Variants in RFC4 observed in about 807,000 individuals in gnomAD.
RFC4 encodes the protein replication factor C subunit 4.
Under a neutral mutation model 47.6 loss-of-function variants are expected in RFC4, and 38 were observed. The ratio of observed to expected loss-of-function variants is 0.80; its 90% CI spans 0.62 to 1.05. The LOEUF is 1.05. Ranked by LOEUF, RFC4 falls within the 50% of genes least tolerant of loss-of-function variation. The probability of loss-of-function intolerance (pLI) is 0.00; values close to 1 mark genes in which losing one functional copy is unlikely to be tolerated. For missense variants in RFC4, 489 were observed against 434.0 expected (o/e 1.13, Z -1.13); for synonymous variants, 164 against 150.0 (o/e 1.09, Z -0.68).
Position 186,801,116 on chromosome 3 carries a change from CA to C in RFC4, c.210del (p.Leu71PhefsTer33). The C allele has an allele frequency of 6.2e-7, 1 of 1,609,814 alleles. No individual in the cohort carries two copies. The highest frequency in any genetic ancestry group is 8.5e-7 in the Non-Finnish European group (1 of 1,175,996). On this transcript the variant is annotated frameshift_variant and splice_region_variant, in exon 3 of 11. Coordinates refer to ENST00000296273, the MANE Select transcript of RFC4 (RefSeq NM_002916.5). LOFTEE classifies it high-confidence loss of function. ...AVLKKSLEGA[D>X]LPNLLFYGPP... ...GACATTAAACACCATTTGCAACTCACATCTGCTCCTTCTAAAGATTTTTTCA... is the reference window on the plus strand; with the variant it reads ...GACATTAAACACCATTTGCAACTCACTCTGCTCCTTCTAAAGATTTTTTCA...
At chr3:186,801,094 A>G (rs1722341534) in intron 3 of RFC4, 23 bp downstream of exon 3, 1 of 1,561,644 alleles carries the variant, frequency 6.4e-7, no homozygotes, top group Non-Finnish European at 8.8e-7. Context: ...TCCCAATGAC[A>G]TTAAACACCA....
chr3:186,792,774 T>C, intron 6 of RFC4, 30 bp downstream of exon 6: 1 of 1,583,894 alleles, frequency 6.3e-7, no homozygotes, highest in Non-Finnish European at 8.6e-7. Context: ...TAAGGCTGCC[T>C]AGCATCTGTC....
chr3:186,794,671 C>G lies in RFC4; in HGVS notation c.397G>C (p.Gly133Arg). The G allele has an allele frequency of 6.2e-7, 1 of 1,613,940 alleles. No individual in the cohort carries two copies. The highest frequency in any genetic ancestry group is 8.5e-7 in the Non-Finnish European group (1 of 1,179,932). Residue 133 changes from glycine (G) to arginine (R), a missense_variant, in exon 5 of 11, where the codon GGA becomes CGA. Transcript: ENST00000296273. ...AAATTTACTTACTCTGAGCGACTTCCTGACACAGTTAATTGAGCAAAATTT... is the reference window on the plus strand; with the variant it reads ...AAATTTACTTACTCTGAGCGACTTCGTGACACAGTTAATTGAGCAAAATTT... ...VKNFAQLTVSGSRSDGKPCPP... is the reference protein window; with the variant it reads ...VKNFAQLTVSRSRSDGKPCPP...
chr3:186,790,296 C>A (rs762174683), intron 9 of RFC4, 30 bp downstream of exon 9: 21 of 1,611,684 alleles, frequency 1.3e-5, no homozygotes, highest in Non-Finnish European at 1.7e-5. Flanking sequence ...CTTAATATTC[C>A]TTTCCCCAAA....
chr3:186,791,901 T>A, intron 7 of RFC4, 51 bp from the exon 8 acceptor site: 1 of 1,466,690 alleles, frequency 6.8e-7, no homozygotes, highest in East Asian at 2.3e-5. Flanking sequence ...TAAGGATTTA[T>A]AACTTTAATT....
rs266755 is a variant in RFC4, at chr3:186,790,827, T to C, written c.802-421A>G. Among the ~76,000 whole-genome samples the C allele has an allele frequency of 7.7e-4, 118 of 152,272 alleles. 1 individual carries two copies. Among genetic ancestry groups the C allele is most frequent in the African/African-American group, 2.7e-3 (113 of 41,510 alleles). On this transcript the variant is annotated intron_variant, in intron 8 of 10. Transcript: ENST00000296273. ...CCACTAATGAGATTGGTTTAAAAAG[T>C]CCACAATATCCAGAAAATTAAAGAG...
intron 1 of RFC4, among the ~76,000 whole-genome samples, chr3:186,805,274 G>A (rs890464028): frequency 1.3e-4 from 20 of 152,168 alleles, no homozygotes; most frequent in Non-Finnish European, 4.4e-5. Flanking sequence ...AGGATGGAGT[G>A]CAGTGGCGGA....
rs747725781 is a variant in RFC4, at chr3:186,792,498, T to A, written c.667A>T (p.Ser223Cys). 1 of 1,611,800 alleles carries A rather than the reference T, an allele frequency of 6.2e-7. No individual in the cohort carries two copies. Among genetic ancestry groups the A allele is most frequent in the South Asian group, 1.1e-5 (1 of 91,008 alleles). ...DIAKKENVKI[S>C]DEGIAYLVKV... ...TAATAATTAGTAATTACCTCATCACTAATTTTGACATTTTCCTTCTTGGCA... is the reference window on the plus strand; with the variant it reads ...TAATAATTAGTAATTACCTCATCACAAATTTTGACATTTTCCTTCTTGGCA... The change falls in exon 7 of 11, where the codon AGT (serine) becomes TGT (cysteine). Residue 223 changes from serine (S) to cysteine (C), a missense_variant. Physicochemically the swap from Ser to Cys is moderately radical, Grantham distance 112. Around this residue, in one of 2 missense-constraint regions of RFC4, gnomAD observed 283 missense variants for 176.2 expected, o/e 1.61. Coordinates refer to ENST00000296273, the MANE Select transcript of RFC4 (RefSeq NM_002916.5).
In RFC4 at chr3:186,793,067, C is replaced by CTGTA. The variant is rs1722176725; in HGVS notation, c.411-124_411-121dup. ...TTAAAATGTACAATTCAGTGTTTTT[C>CTGTA]TGTATGTTCACAAAGTTGTGCAACC... On this transcript the variant is annotated intron_variant, in intron 5 of 10. Coordinates refer to ENST00000296273, the MANE Select transcript of RFC4 (RefSeq NM_002916.5). The surrounding 1 kb of genome is among the most constrained non-coding windows in gnomAD (Gnocchi z 4.2). The CTGTA allele has an allele frequency of 4.7e-6, 4 of 844,204 alleles. No individual in the cohort carries two copies. In the East Asian group the frequency reaches 1.1e-4, roughly 24 times the overall value. 52.3% of individuals were successfully genotyped at this position (844,204 alleles called of 1,614,324 possible). A position where few individuals can be genotyped will look rare whatever the true frequency, so the allele number is the denominator to read the frequency against.
intron 2 of RFC4, among the ~76,000 whole-genome samples, chr3:186,803,390 A>G (rs1334020008): frequency 1.3e-5 from 2 of 152,054 alleles, no homozygotes; most frequent in East Asian, 3.9e-4. Flanking sequence ...AAACACAAAA[A>G]ACATATGAGG....
chr3:186,803,212 G>C (rs1352537651), intron 2 of RFC4, among the ~76,000 whole-genome samples: 1 of 151,862 alleles, frequency 6.6e-6, no homozygotes, highest in Non-Finnish European at 1.5e-5. Flanking sequence ...GTGTGGTGGG[G>C]CATGTCTGTA....
intron 2 of RFC4, among the ~76,000 whole-genome samples, chr3:186,804,120 T>C (rs1047878552): frequency 2.5e-4 from 38 of 152,048 alleles, no homozygotes; most frequent in African/African-American, 8.7e-4. Context: ...GAGGTGGAGG[T>C]TGCAGTGAGT....
chr3:186,792,435 T>C, intron 7 of RFC4, 55 bp downstream of exon 7: 1 of 1,504,252 alleles, frequency 6.6e-7, no homozygotes, highest in Non-Finnish European at 9.2e-7. Flanking sequence ...GGCCTCTTTA[T>C]ATGCATTCAT....
chr3:186,791,973 TTC>T (rs1722150943), intron 7 of RFC4, 123 bp from the exon 8 acceptor site: 1 of 831,398 alleles, frequency 1.2e-6, no homozygotes. Context: ...GAAAAAACAT[TTC>T]TGTTTTGGGA....
intron 1 of RFC4, among the ~76,000 whole-genome samples, chr3:186,805,900 T>C (rs1250621016): frequency 6.6e-6 from 1 of 152,236 alleles, no homozygotes; most frequent in African/African-American, 2.4e-5. Context: ...TTACCATCTA[T>C]GATACCCGGT....
In RFC4 at chr3:186,791,676, C is replaced by T. The variant is rs1037210443; in HGVS notation, c.801+49G>A. The T allele has an allele frequency of 3.2e-6, 5 of 1,579,982 alleles. No individual in the cohort carries two copies. In the African/African-American group the frequency reaches 5.4e-5, roughly 17 times the overall value. ...TTGTTGGATGAAAATTTCCTAAAAG[C>T]CACAAAAAAGCCAACTAAAAAGAAA... On this transcript the variant is annotated intron_variant, in intron 8 of 10. Transcript: ENST00000296273.
intron 7 of RFC4, among the ~76,000 whole-genome samples, 168 bp from the exon 8 acceptor site, chr3:186,792,018 T>G (rs1024330933): frequency 3.3e-5 from 5 of 152,184 alleles, no homozygotes; most frequent in Admixed American, 6.6e-5. Flanking sequence ...CCGGGTACAA[T>G]GGAAGGATAG....
chr3:186,789,913 TTTA>T lies in RFC4; in HGVS notation c.*53_*55del. 9 of 1,151,664 alleles carry T rather than the reference TTTA, an allele frequency of 7.8e-6. 1 individual carries two copies. Among genetic ancestry groups the T allele is most frequent in the South Asian group, 2.7e-5 (2 of 75,012 alleles). 71.3% of individuals were successfully genotyped at this position (1,151,664 alleles called of 1,614,324 possible). On this transcript the variant is annotated 3_prime_UTR_variant, in exon 11 of 11. Transcript: ENST00000296273. ...TCACTTTAAAGGTGCTTTTGGTCAT[TTTA>T]TTTTTATTACAACTTCATTATTTAC... is the stretch of plus-strand genomic sequence containing the variant.
At chr3:186,802,808 G>C (rs1442162027) in intron 2 of RFC4, among the ~76,000 whole-genome samples, 1 of 152,030 alleles carries the variant, frequency 6.6e-6, no homozygotes, top group Non-Finnish European at 1.5e-5. Flanking sequence ...TACCTGCAGA[G>C]ATTAAGCAGA....
Sources: allele counts gnomAD v4.1 joint callset (sites outside exome capture counted in the v4.1 genomes callset), GRCh38; gene constraint gnomAD v4.1.1; regional missense constraint gnomAD v4.1.1; non-coding constraint Gnocchi (gnomAD v3.1); transcripts MANE v1.5; gene names NCBI Gene and HGNC (gene_info 2026-07-23, HGNC 2026-07-21).